GPR149: variants seen among roughly 807,000 people sequenced by gnomAD.
The protein encoded by GPR149 is G protein-coupled receptor 149, also known as probable G protein-coupled receptor 149.
A neutral mutation model predicts 50.2 loss-of-function variants in GPR149; 50 were observed. The observed-to-expected ratio is 1.00, with a 90% CI of 0.79 to 1.26. The LOEUF is 1.26. Ranked by LOEUF, GPR149 falls within the 50% of genes most tolerant of loss-of-function variation. The pLI, the probability that GPR149 is intolerant of heterozygous loss-of-function variation, is 0.00. For missense variants in GPR149, 983 were observed against 895.4 expected (o/e 1.10, Z -1.25); for synonymous variants, 405 against 358.2 (o/e 1.13, Z -1.48).
At chr3:154,343,839 T>A (rs1254747076) in intron 3 of GPR149, among the ~76,000 whole-genome samples, 1 of 151,842 alleles carries the variant, frequency 6.6e-6, no homozygotes, top group Admixed American at 6.6e-5. Flanking sequence ...TAGGTGGGCA[T>A]GGTAGTGTGT....
At chr3:154,349,950 T>G (rs1291965270) in intron 3 of GPR149, among the ~76,000 whole-genome samples, 1 of 152,172 alleles carries the variant, frequency 6.6e-6, no homozygotes, top group African/African-American at 2.4e-5. Flanking sequence ...CTTTACTTAT[T>G]TGAGATAGGG....
intron 3 of GPR149, among the ~76,000 whole-genome samples, chr3:154,395,308 G>A (rs1252728588): frequency 2.0e-5 from 3 of 151,516 alleles, no homozygotes; most frequent in African/African-American, 7.3e-5. Flanking sequence ...TCTAGAGCAA[G>A]ACTAAAACCA....
At position 154,417,427 on chromosome 3, in the gene GPR149, C is replaced by G. The variant is rs75426705; in HGVS notation, c.1623+3612G>C. 9.9e-3 allele frequency among the ~76,000 whole-genome samples: 1,502 copies of G among 151,844 alleles called. 75 individuals carry two copies. The highest frequency in any genetic ancestry group is 0.085 in the Admixed American group (1,295 of 15,196). On this transcript the variant is annotated intron_variant, in intron 3 of 3. Transcript: ENST00000389740. ...ATATTCTCACTCCTACCAGGACTTC[C>G]AAGAAAATATTCTGAAAATTGTTAA...
intron 3 of GPR149, among the ~76,000 whole-genome samples, chr3:154,373,027 A>G (rs1057151417): frequency 6.6e-6 from 1 of 152,118 alleles, no homozygotes; most frequent in Non-Finnish European, 1.5e-5. Context: ...TGCTCAGGAG[A>G]TATTTTTTCT....
Position 154,337,636 on chromosome 3 carries a change from A to G in GPR149, c.*63T>C. On this transcript the variant is annotated 3_prime_UTR_variant, in exon 4 of 4. Transcript: ENST00000389740. ...ATAAAAGGAAATCAGTCTCATAACA[A>G]AGGTGTTAGTTTCACAGTTGACGTT... 1 of 1,202,714 alleles carries G rather than the reference A, an allele frequency of 8.3e-7. No individual in the cohort carries two copies. Among genetic ancestry groups the G allele is most frequent in the Non-Finnish European group, 1.2e-6 (1 of 858,804 alleles). The allele number at this position is 1,202,714 out of a possible 1,614,324, so 74.5% of individuals were successfully genotyped here.
At chr3:154,360,303 A>T (rs1714348892) in intron 3 of GPR149, among the ~76,000 whole-genome samples, 1 of 152,208 alleles carries the variant, frequency 6.6e-6, no homozygotes, top group East Asian at 1.9e-4. Context: ...CACCATGGTA[A>T]CATTTTTACT....
At chr3:154,350,459 G>A (rs531643232) in intron 3 of GPR149, among the ~76,000 whole-genome samples, 2 of 152,096 alleles carry the variant, frequency 1.3e-5, no homozygotes, top group Non-Finnish European at 2.9e-5. Context: ...TGCTAAAAAG[G>A]TTAAAGATTT....
intron 3 of GPR149, among the ~76,000 whole-genome samples, chr3:154,341,391 T>A (rs982326082): frequency 7.0e-6 from 1 of 142,998 alleles, no homozygotes; most frequent in African/African-American, 2.6e-5. Context: ...AAATATTATC[T>A]TCCTAGAAAA....
chr3:154,394,389 C>T (rs967515018), intron 3 of GPR149, among the ~76,000 whole-genome samples: 1 of 151,964 alleles, frequency 6.6e-6, no homozygotes, highest in Admixed American at 6.6e-5. Context: ...TGGACCCTTG[C>T]TCAAAATGGT....
At chr3:154,382,467 A>G (rs1714949072) in intron 3 of GPR149, among the ~76,000 whole-genome samples, 1 of 152,236 alleles carries the variant, frequency 6.6e-6, no homozygotes, top group Non-Finnish European at 1.5e-5. Context: ...TCGAGATCCC[A>G]TTGACAAGTC....
Position 154,338,208 on chromosome 3 carries a change from G to A in GPR149, c.1687C>T (p.Pro563Ser). 6.2e-7 allele frequency: 1 copy of A among 1,613,566 alleles called. No homozygotes were observed. The highest frequency in any genetic ancestry group is 8.5e-7 in the Non-Finnish European group (1 of 1,179,794). The change falls in exon 4 of 4, where the codon CCT becomes TCT. Residue 563 changes from proline (P) to serine (S), a missense_variant. Transcript: ENST00000389740. Reference protein sequence around the residue: ...AFQGTVSLHAPTGKTLSLSTY... With the variant: ...AFQGTVSLHASTGKTLSLSTY... Reference sequence around the variant, plus strand: ...GAAAGAGATAGGGTTTTCCCTGTAGGTGCATGGAGAGACACAGTCCCCTGG... The same window carrying A: ...GAAAGAGATAGGGTTTTCCCTGTAGATGCATGGAGAGACACAGTCCCCTGG...
At chr3:154,367,043 G>A (rs907910773) in intron 3 of GPR149, among the ~76,000 whole-genome samples, 1 of 152,124 alleles carries the variant, frequency 6.6e-6, no homozygotes, top group Middle Eastern at 3.2e-3. Flanking sequence ...TCTGGAGGCT[G>A]GAAAGTTCAA....
At chr3:154,360,389 G>A (rs1204239668) in intron 3 of GPR149, among the ~76,000 whole-genome samples, 2 of 152,144 alleles carry the variant, frequency 1.3e-5, no homozygotes, top group African/African-American at 4.8e-5. Flanking sequence ...ACATTTTCTT[G>A]GTAGCCACTG....
chr3:154,394,761 G>T (rs986539885), intron 3 of GPR149, among the ~76,000 whole-genome samples: 2 of 152,046 alleles, frequency 1.3e-5, no homozygotes, highest in East Asian at 1.9e-4. Flanking sequence ...ATGCTCTGGG[G>T]TTGAATAGAT....
intron 3 of GPR149, among the ~76,000 whole-genome samples, chr3:154,371,908 G>T (rs148107091): frequency 7.5e-4 from 111 of 148,566 alleles, no homozygotes; most frequent in African/African-American, 2.3e-3. Flanking sequence ...CCTCAGGATC[G>T]AGGCCATCAA....
intron 3 of GPR149, among the ~76,000 whole-genome samples, chr3:154,348,814 AAC>A (rs2108387663): frequency 6.6e-6 from 1 of 152,292 alleles, no homozygotes; most frequent in East Asian, 1.9e-4. Flanking sequence ...TCCATCCAAC[AAC>A]AACAGAATAC....
chr3:154,339,502 A>G (rs1372971091), intron 3 of GPR149, among the ~76,000 whole-genome samples: 1 of 152,190 alleles, frequency 6.6e-6, no homozygotes, highest in Non-Finnish European at 1.5e-5. Flanking sequence ...TTTCCAATTT[A>G]GGATGACCAG....
At chr3:154,407,335 A>G (rs1045628540) in intron 3 of GPR149, among the ~76,000 whole-genome samples, 1 of 152,166 alleles carries the variant, frequency 6.6e-6, no homozygotes, top group Non-Finnish European at 1.5e-5. Flanking sequence ...TTTGGAAGAT[A>G]ATGTTTTGAC....
At chr3:154,376,919 T>C (rs1559979048) in intron 3 of GPR149, among the ~76,000 whole-genome samples, 1 of 151,898 alleles carries the variant, frequency 6.6e-6, no homozygotes, top group Non-Finnish European at 1.5e-5. Context: ...GACCACTTCA[T>C]AGAATTATTT....
Sources: allele counts gnomAD v4.1 joint callset (sites outside exome capture counted in the v4.1 genomes callset), GRCh38; gene constraint gnomAD v4.1.1; transcripts MANE v1.5; gene names NCBI Gene and HGNC (gene_info 2026-07-23, HGNC 2026-07-21).